Variants in MGAT4D observed in about 807,000 individuals in gnomAD.
MGAT4D encodes the protein alpha-1,3-mannosyl-glycoprotein 4-beta-N-acetylglucosaminyltransferase-like protein MGAT4D.
Under a neutral mutation model 15.9 loss-of-function variants are expected in MGAT4D, and 34 were observed. The observed-to-expected ratio is 2.14, with a 90% CI of 1.62 to 2.84. The LOEUF (loss-of-function observed/expected upper bound fraction) is 2.84. Among genes scored for constraint, MGAT4D ranks in the 30% most tolerant of loss-of-function variants. The probability of loss-of-function intolerance (pLI) is 0.00; values close to 1 mark genes in which losing one functional copy is unlikely to be tolerated. For synonymous variants in MGAT4D, 112 were observed against 48.2 expected, an observed-to-expected ratio of 2.33 and a Z score of -5.49; for missense variants, 327 against 140.2, an observed-to-expected ratio of 2.33 and a Z score of -6.73.
rs1303711398 is a variant in MGAT4D at position 140,461,918 on chromosome 4, CAAT to C, written c.762+8_762+10del. ...ACACACACACACACACACACACACA[CAAT>C]TTCTGACCTGTAAATAATACTTGGC... On this transcript the variant is annotated splice_region_variant and intron_variant, in intron 7 of 10. Coordinates refer to ENST00000511113, the MANE Select transcript of MGAT4D (RefSeq NM_001277353.2). 6 of 692,022 alleles carry C rather than the reference CAAT, an allele frequency of 8.7e-6. No individual in the cohort carries two copies. Among genetic ancestry groups the C allele is most frequent in the African/African-American group, 5.4e-5 (3 of 55,722 alleles). 42.9% of individuals were successfully genotyped at this position (692,022 alleles called of 1,614,324 possible).
Position 140,443,276 on chromosome 4 carries a change from A to G in MGAT4D, c.*160T>C, listed in dbSNP as rs1391112227. ...TATAAATGTTCTACCTTGTCTTGAC[A>G]TAAGAAGTCATTTAGTACTTTCAAG... On this transcript the variant is annotated 3_prime_UTR_variant, in exon 11 of 11. Coordinates refer to ENST00000511113, the MANE Select transcript of MGAT4D (RefSeq NM_001277353.2). 1.3e-5 allele frequency: 4 copies of G among 307,648 alleles called. No homozygotes were observed. Among genetic ancestry groups the G allele is most frequent in the African/African-American group, 6.5e-5 (3 of 46,240 alleles). The allele number at this position is 307,648 out of a possible 1,614,324, so 19.1% of individuals were successfully genotyped here.
intron 6 of MGAT4D, among the ~76,000 whole-genome samples, chr4:140,463,490 G>A (rs892411172): frequency 6.8e-4 from 103 of 152,122 alleles, no homozygotes; most frequent in African/African-American, 2.4e-3. Flanking sequence ...TGGGGCAAGA[G>A]CTCATCCCTG....
At chr4:140,462,062 C>T (rs1201552016) in intron 6 of MGAT4D, 58 bp from the exon 7 acceptor site, 1 of 663,818 alleles carries the variant, frequency 1.5e-6, no homozygotes, top group African/African-American at 1.8e-5. Flanking sequence ...TATTTATAAG[C>T]ATACTTTAGT....
Position 140,460,002 on chromosome 4 carries a change from G to C in MGAT4D, c.763-376C>G, listed in dbSNP as rs1276318542. 2.6e-5 allele frequency among the ~76,000 whole-genome samples: 4 copies of C among 152,002 alleles called. No homozygotes were observed. In the South Asian group the frequency reaches 8.3e-4, roughly 32 times the overall value. ...CCTGCCTTGGCCTCCCAACTCCTGG[G>C]CTCAAGTGAGCCTCCCGCCTTGGCC... On this transcript the variant is annotated intron_variant, in intron 7 of 10. Coordinates refer to ENST00000511113, the MANE Select transcript of MGAT4D (RefSeq NM_001277353.2).
chr4:140,455,844 T>C (rs1051631562), intron 9 of MGAT4D, among the ~76,000 whole-genome samples: 1 of 152,168 alleles, frequency 6.6e-6, no homozygotes, highest in African/African-American at 2.4e-5. Flanking sequence ...GATATTAATA[T>C]AGCTACTACA....
intron 1 of MGAT4D, 26 bp downstream of exon 1, chr4:140,498,103 A>C (rs1733961346): frequency 1.4e-6 from 1 of 695,148 alleles, no homozygotes; most frequent in Non-Finnish European, 2.6e-6. Flanking sequence ...GCGGGAAAGG[A>C]GGCGGGAGGA....
chr4:140,444,150 A>G, intron 10 of MGAT4D, among the ~76,000 whole-genome samples: 1 of 152,172 alleles, frequency 6.6e-6, no homozygotes, highest in East Asian at 1.9e-4. Flanking sequence ...ATACTGTACT[A>G]ATATATCATC....
intron 3 of MGAT4D, among the ~76,000 whole-genome samples, chr4:140,477,557 C>A (rs955492468): frequency 5.3e-5 from 8 of 152,196 alleles, no homozygotes; most frequent in African/African-American, 1.9e-4. Flanking sequence ...CAGTGGTTAG[C>A]ACATGCAGAA....
chr4:140,485,896 T>C (rs530179271), intron 1 of MGAT4D, among the ~76,000 whole-genome samples: 2 of 149,142 alleles, frequency 1.3e-5, no homozygotes, highest in Non-Finnish European at 3.0e-5. Context: ...TTTTCACTTA[T>C]CTGTTTTTTC....
intron 6 of MGAT4D, among the ~76,000 whole-genome samples, chr4:140,463,339 G>C (rs1191972205): frequency 6.6e-6 from 1 of 152,110 alleles, no homozygotes; most frequent in African/African-American, 2.4e-5. Flanking sequence ...AAATTTTCTT[G>C]AGCATAATCT....
chr4:140,444,428 G>T (rs139801499), intron 10 of MGAT4D, among the ~76,000 whole-genome samples: 2 of 152,016 alleles, frequency 1.3e-5, no homozygotes, highest in African/African-American at 2.4e-5. Context: ...GTGTCCATGC[G>T]TTCTCATCAT....
At chr4:140,485,840 A>AAAAAAAAAAAAAAAAAAAAAAAAAC (rs1733084380) in intron 1 of MGAT4D, among the ~76,000 whole-genome samples, 1 of 140,772 alleles carries the variant, frequency 7.1e-6, no homozygotes, top group Non-Finnish European at 1.5e-5. Flanking sequence ...AAAAAAAAAA[A>AAAAAAAAAAAAAAAAAAAAAAAAAC]AAAAAAAAGC....
chr4:140,491,238 A>G (rs1352703349), intron 1 of MGAT4D, among the ~76,000 whole-genome samples: 5 of 152,160 alleles, frequency 3.3e-5, no homozygotes, highest in Non-Finnish European at 7.4e-5. Flanking sequence ...GGACAGTAAT[A>G]ACAATCTATT....
Position 140,479,615 on chromosome 4 carries a change from G to T in MGAT4D, c.266C>A (p.Ala89Glu). 4.2e-6 allele frequency: 2 copies of T among 474,754 alleles called. No individual in the cohort carries two copies. The highest frequency in any genetic ancestry group is 4.0e-5 in the South Asian group (1 of 25,038). The allele number at this position is 474,754 out of a possible 1,614,324, so 29.4% of individuals were successfully genotyped here. The change falls in exon 3 of 11, where the codon GCA becomes GAA. Residue 89 changes from alanine (A) to glutamate (E), a missense_variant. Physicochemically the swap from Ala to Glu is moderately radical, Grantham distance 107. Transcript: ENST00000511113. The stretch of plus-strand genomic sequence containing the variant: ...TGTTTCATTTTTATTTAATATGTCT[G>T]CTTTCTGTGCAACTGAAAGAAAAAA... The part of the protein sequence containing the change: ...ILSGNLVAQK[A>E]DILNKNETVS...
At chr4:140,492,281 A>G (rs1435175082) in intron 1 of MGAT4D, among the ~76,000 whole-genome samples, 2 of 152,124 alleles carry the variant, frequency 1.3e-5, no homozygotes, top group Non-Finnish European at 2.9e-5. Context: ...AGGGAAAAAG[A>G]CTTCTTAGTA....
At chr4:140,491,633 A>T (rs11728012) in intron 1 of MGAT4D, among the ~76,000 whole-genome samples, 25 of 151,922 alleles carry the variant, frequency 1.6e-4, no homozygotes, top group Non-Finnish European at 3.2e-4. Context: ...CAGGCAGAAG[A>T]TTCCCAGCAA....
chr4:140,459,572 C>A lies in MGAT4D; in HGVS notation c.817G>T (p.Val273Leu), dbSNP rs78019382. The change falls in exon 8 of 11, where the codon GTA (valine) becomes TTA (leucine). Residue 273 changes from valine (V) to leucine (L), a missense_variant. Val to Leu is a conservative substitution (Grantham distance 32). Transcript: ENST00000511113. ...CAATTATTTGAACTGATATTACCTA[C>A]AAAATCTGTTATTTTTGTAAAGTAC... ...EMYFTKITDF[V>L]GNISSNNWFF... 3.8e-6 allele frequency: 2 copies of A among 528,636 alleles called. No individual in the cohort carries two copies. Among genetic ancestry groups the A allele is most frequent in the Non-Finnish European group, 3.3e-6 (1 of 298,686 alleles). The allele number at this position is 528,636 out of a possible 1,614,324, so 32.7% of individuals were successfully genotyped here.
chr4:140,445,165 A>G (rs1730037760), intron 10 of MGAT4D, among the ~76,000 whole-genome samples: 1 of 152,114 alleles, frequency 6.6e-6, no homozygotes, highest in Non-Finnish European at 1.5e-5. Context: ...GATTACAGGC[A>G]TGAGCCACCA....
At chr4:140,478,110 C>T (rs1732458473) in intron 3 of MGAT4D, among the ~76,000 whole-genome samples, 2 of 152,062 alleles carry the variant, frequency 1.3e-5, no homozygotes, top group African/African-American at 4.8e-5. Flanking sequence ...AGAAAAGCCA[C>T]CAAAAGGGCC....
Sources: allele counts gnomAD v4.1 joint callset (sites outside exome capture counted in the v4.1 genomes callset), GRCh38; gene constraint gnomAD v4.1.1; transcripts MANE v1.5; gene names NCBI Gene and HGNC (gene_info 2026-07-23, HGNC 2026-07-21).